Variants in KLHL8 observed in about 807,000 individuals in gnomAD.
The protein encoded by KLHL8 is kelch like family member 8, also known as kelch-like protein 8.
KLHL8 carries 38 observed loss-of-function variants against 63.5 expected under a neutral mutation model. The ratio of observed to expected loss-of-function variants is 0.60; its 90% CI spans 0.46 to 0.78. The LOEUF (loss-of-function observed/expected upper bound fraction) is 0.78, where lower values mean the gene tolerates loss of function less well. Among genes scored for constraint, KLHL8 ranks in the 30% least tolerant of loss-of-function variants. The probability of loss-of-function intolerance (pLI) is 0.00; values close to 1 mark genes in which losing one functional copy is unlikely to be tolerated. For missense variants in KLHL8, 566 were observed against 752.4 expected (o/e 0.75, Z 2.90); for synonymous variants, 224 against 254.3 (o/e 0.88, Z 1.13).
intron 1 of KLHL8, among the ~76,000 whole-genome samples, chr4:87,227,831 T>C (rs1733062174): frequency 6.6e-6 from 1 of 152,206 alleles, no homozygotes; most frequent in Non-Finnish European, 1.5e-5. Flanking sequence ...TTTGGTTTTA[T>C]ATAGCCAGAC....
In KLHL8 at chr4:87,177,871, A is replaced by G. The variant is rs112918273; in HGVS notation, c.1096+606T>C. On this transcript the variant is annotated intron_variant, in intron 5 of 9. Transcript: ENST00000273963. Reference sequence around the variant, plus strand: ...ATCCTCCCACCTCAATCTCCATAAAACTGTTAATATGATCAATTTTTTTCC... The same window carrying G: ...ATCCTCCCACCTCAATCTCCATAAAGCTGTTAATATGATCAATTTTTTTCC... 7.2e-3 allele frequency among the ~76,000 whole-genome samples: 1,098 copies of G among 152,166 alleles called. 9 individuals carry two copies. Among genetic ancestry groups the G allele is most frequent in the African/African-American group, 0.025 (1,046 of 41,510 alleles).
At position 87,178,553 on chromosome 4, in the gene KLHL8, A is replaced by G; in HGVS notation, c.1020T>C (p.Ser340=). ...CAAAGAACCAACTGTTTTTGTTGATAGAATAGCATTCAATACTGCGAAAGG... is the reference window on the plus strand; with the variant it reads ...CAAAGAACCAACTGTTTTTGTTGATGGAATAGCATTCAATACTGCGAAAGG... The part of the protein sequence containing the change: ...GDPFRSIECY[S]INKNSWFFGP... Residue 340 remains serine, a synonymous_variant, in exon 5 of 10, where the codon TCT becomes TCC. Transcript: ENST00000273963. 6.2e-7 allele frequency: 1 copy of G among 1,612,334 alleles called. No homozygotes were observed.
intron 7 of KLHL8, 74 bp from the exon 8 acceptor site, chr4:87,170,312 A>G: frequency 2.0e-6 from 3 of 1,498,096 alleles, no homozygotes; most frequent in Non-Finnish European, 1.8e-6. Context: ...GTAAATTAGA[A>G]TGTACAAGGC....
At position 87,185,738 on chromosome 4, in the gene KLHL8, C is replaced by T; in HGVS notation, c.278G>A (p.Arg93Lys). The change falls in exon 3 of 10, where the codon AGA (arginine) becomes AAA (lysine). Residue 93 changes from arginine to lysine, a missense_variant. By Grantham distance (26) the Arg-to-Lys change is conservative. Transcript: ENST00000273963. ...AGCCATTTCAGAAAGAAACATGGCT[C>T]TAAAGTAGGGAATAACACAAGCCAA... The part of the protein sequence containing the change: ...LVLACVIPYF[R>K]AMFLSEMAEA... 6.2e-7 allele frequency: 1 copy of T among 1,613,388 alleles called. No individual in the cohort carries two copies. The highest frequency in any genetic ancestry group is 8.5e-7 in the Non-Finnish European group (1 of 1,179,670).
chr4:87,218,204 A>G (rs1732673328), intron 1 of KLHL8, among the ~76,000 whole-genome samples: 1 of 149,660 alleles, frequency 6.7e-6, no homozygotes, highest in Non-Finnish European at 1.5e-5. Context: ...AAGAAAATTC[A>G]TTTTTCAAAA....
intron 1 of KLHL8, among the ~76,000 whole-genome samples, chr4:87,210,188 G>T (rs1336562697): frequency 1.3e-5 from 2 of 149,594 alleles, no homozygotes; most frequent in African/African-American, 2.4e-5. Flanking sequence ...ACCTCTTAAA[G>T]AACTCAATGC....
chr4:87,202,152 T>G (rs1731943986), intron 1 of KLHL8, among the ~76,000 whole-genome samples: 1 of 151,396 alleles, frequency 6.6e-6, no homozygotes, highest in South Asian at 2.1e-4. Context: ...AAGCCTTTAC[T>G]TTCAGAAACC....
intron 1 of KLHL8, among the ~76,000 whole-genome samples, chr4:87,237,266 T>C (rs1733249285): frequency 2.0e-5 from 3 of 152,150 alleles, no homozygotes; most frequent in Admixed American, 2.0e-4. Context: ...TATTGGAAGA[T>C]TATAAGGACA....
At chr4:87,231,157 C>T (rs1018352976) in intron 1 of KLHL8, among the ~76,000 whole-genome samples, 2 of 152,102 alleles carry the variant, frequency 1.3e-5, no homozygotes, top group African/African-American at 2.4e-5. Context: ...CTCACCTGCC[C>T]GGTGGGGGCA....
At chr4:87,177,439 G>A (rs918228550) in intron 5 of KLHL8, among the ~76,000 whole-genome samples, 1 of 151,994 alleles carries the variant, frequency 6.6e-6, no homozygotes, top group Non-Finnish European at 1.5e-5. Context: ...GGGAAGCGGA[G>A]GTTATAGTGA....
intron 1 of KLHL8, among the ~76,000 whole-genome samples, chr4:87,231,603 T>C (rs1390098782): frequency 7.0e-6 from 1 of 143,868 alleles, no homozygotes; most frequent in Admixed American, 6.9e-5. Flanking sequence ...CAAATACTTC[T>C]TTTTTTTTTT....
At chr4:87,194,043 T>C (rs1390859847) in intron 2 of KLHL8, among the ~76,000 whole-genome samples, 2 of 152,216 alleles carry the variant, frequency 1.3e-5, no homozygotes, top group Non-Finnish European at 2.9e-5. Context: ...TTCTCTTCTA[T>C]TAAATTACAT....
At chr4:87,236,532 C>T (rs1364836172) in intron 1 of KLHL8, among the ~76,000 whole-genome samples, 1 of 151,974 alleles carries the variant, frequency 6.6e-6, no homozygotes, top group Non-Finnish European at 1.5e-5. Context: ...TAATAGACAC[C>T]TTAAGGGAGG....
intron 2 of KLHL8, among the ~76,000 whole-genome samples, chr4:87,193,694 T>A (rs1189960431): frequency 6.6e-6 from 1 of 152,158 alleles, no homozygotes; most frequent in Non-Finnish European, 1.5e-5. Flanking sequence ...CAACTGGCAA[T>A]GAGGTAAGTT....
chr4:87,191,253 G>T (rs1273014306), intron 2 of KLHL8, among the ~76,000 whole-genome samples: 1 of 152,196 alleles, frequency 6.6e-6, no homozygotes, highest in Non-Finnish European at 1.5e-5. Flanking sequence ...CAGATCGCTT[G>T]AGTCCAGGAG....
intron 1 of KLHL8, among the ~76,000 whole-genome samples, chr4:87,196,636 TACATATAAAATCA>T (rs1247754852): frequency 6.6e-6 from 1 of 152,240 alleles, no homozygotes; most frequent in East Asian, 1.9e-4. Context: ...TATTAGTATT[TACATATAAAATCA>T]AACTTTCCTC....
At chr4:87,228,174 T>C (rs1274658402) in intron 1 of KLHL8, among the ~76,000 whole-genome samples, 1 of 152,168 alleles carries the variant, frequency 6.6e-6, no homozygotes, top group East Asian at 1.9e-4. Flanking sequence ...TCACCCAATG[T>C]TTCTCTTCAT....
intron 5 of KLHL8, among the ~76,000 whole-genome samples, 191 bp from the exon 6 acceptor site, chr4:87,177,059 A>C (rs540594337): frequency 1.3e-5 from 2 of 152,288 alleles, no homozygotes; most frequent in East Asian, 3.9e-4. Flanking sequence ...TGCACTAAAC[A>C]TGCTGTTCTA....
intron 8 of KLHL8, 98 bp from the exon 9 acceptor site, chr4:87,164,177 AT>A: frequency 8.7e-7 from 1 of 1,145,674 alleles, no homozygotes; most frequent in Non-Finnish European, 1.2e-6. Context: ...TTTTAAAATC[AT>A]TTTAGAATGG....
Sources: gnomAD v4.1 joint callset for allele counts (sites outside exome capture counted in the v4.1 genomes callset) on GRCh38, gnomAD v4.1.1 for gene constraint, MANE v1.5 for transcripts, NCBI Gene and HGNC (gene_info 2026-07-23, HGNC 2026-07-21) for gene names.